Variants in SPATS1 observed in about 807,000 individuals in gnomAD.
The protein encoded by SPATS1 is spermatogenesis associated serine rich 1.
In SPATS1, 23 loss-of-function variants were observed where a neutral mutation model predicts 33.6. The ratio of observed to expected loss-of-function variants is 0.68; its 90% CI spans 0.49 to 0.97. The LOEUF (loss-of-function observed/expected upper bound fraction) is 0.97, where lower values mean the gene tolerates loss of function less well. Among genes scored for constraint, SPATS1 ranks in the 50% least tolerant of loss-of-function variants. The pLI, the probability that SPATS1 is intolerant of heterozygous loss-of-function variation, is 0.00. For synonymous variants in SPATS1, 131 were observed against 125.6 expected, an observed-to-expected ratio of 1.04 and a Z score of -0.29; for missense variants, 327 against 361.0, an observed-to-expected ratio of 0.91 and a Z score of 0.76.
intron 2 of SPATS1, among the ~76,000 whole-genome samples, chr6:44,351,122 CAAA>C (rs34139961): frequency 0.051 from 3,879 of 75,436 alleles, 73 homozygotes; most frequent in African/African-American, 0.14. Context: ...GACTCTGTGT[CAAA>C]AAAAAAAAAA....
chr6:44,371,370 T>C (rs1789604428), intron 7 of SPATS1, among the ~76,000 whole-genome samples: 1 of 151,686 alleles, frequency 6.6e-6, no homozygotes, highest in Non-Finnish European at 1.5e-5. Context: ...AAGACAATTG[T>C]GAGACTTGGA....
At chr6:44,347,849 G>C (rs1787992540) in intron 2 of SPATS1, among the ~76,000 whole-genome samples, 1 of 151,942 alleles carries the variant, frequency 6.6e-6, no homozygotes, top group South Asian at 2.1e-4. Flanking sequence ...GTACTGTCTT[G>C]ATTATTTGAA....
In SPATS1 at chr6:44,361,887, AC is replaced by A. The variant is rs1223139225; in HGVS notation, c.471del (p.Tyr158ThrfsTer45). ...FYPRFSSNIH[T>X]YHVGKQCFFN... ...CCCAAGGTTTAGCAGCAACATCCAC[AC>A]CTACCACGTCGGAAAGCAGTGCTTC... On this transcript the variant is annotated frameshift_variant, in exon 5 of 9. Transcript: ENST00000674044. LOFTEE classifies it high-confidence loss of function. 1 of 1,614,110 alleles carries A rather than the reference AC, an allele frequency of 6.2e-7. No homozygotes were observed. The highest frequency in any genetic ancestry group is 1.3e-5 in the African/African-American group (1 of 74,936).
intron 2 of SPATS1, among the ~76,000 whole-genome samples, chr6:44,344,225 G>A (rs1787734868): frequency 6.6e-6 from 1 of 152,180 alleles, no homozygotes; most frequent in Non-Finnish European, 1.5e-5. Context: ...TTTCGAGTTA[G>A]GGGTAGCAGA....
intron 2 of SPATS1, 62 bp downstream of exon 2, chr6:44,343,296 G>A: frequency 6.3e-7 from 1 of 1,593,266 alleles, no homozygotes; most frequent in South Asian, 1.1e-5. Flanking sequence ...ACTACACCCG[G>A]GGGCGGGGGC....
At chr6:44,346,989 G>A (rs1260624402) in intron 2 of SPATS1, among the ~76,000 whole-genome samples, 2 of 152,168 alleles carry the variant, frequency 1.3e-5, no homozygotes, top group African/African-American at 2.4e-5. Context: ...GTCCATCAAT[G>A]ATAGACTGGA....
chr6:44,342,924 C>T, intron 1 of SPATS1, 156 bp downstream of exon 1: 1 of 1,260,036 alleles, frequency 7.9e-7, no homozygotes, highest in Non-Finnish European at 1.1e-6. Flanking sequence ...CCAGGGCTTC[C>T]AAACCACGAA....
chr6:44,366,814 T>C (rs1212502971), intron 5 of SPATS1, among the ~76,000 whole-genome samples: 3 of 152,250 alleles, frequency 2.0e-5, no homozygotes, highest in Non-Finnish European at 4.4e-5. Context: ...TCTTGGGTGC[T>C]TGTTATATGC....
intron 2 of SPATS1, among the ~76,000 whole-genome samples, chr6:44,347,264 A>G (rs1318829079): frequency 6.6e-6 from 1 of 152,144 alleles, no homozygotes; most frequent in Admixed American, 6.5e-5. Context: ...TAGGAGAAAT[A>G]CCTAATGTAG....
At chr6:44,354,289 G>A (rs555532863) in intron 3 of SPATS1, among the ~76,000 whole-genome samples, 37 of 151,842 alleles carry the variant, frequency 2.4e-4, no homozygotes, top group Admixed American at 1.1e-3. Flanking sequence ...AGCCATGATC[G>A]AGCCGTTGCA....
intron 3 of SPATS1, among the ~76,000 whole-genome samples, chr6:44,353,667 T>G (rs1268658284): frequency 6.6e-6 from 1 of 152,214 alleles, no homozygotes; most frequent in African/African-American, 2.4e-5. Flanking sequence ...TGAAAATGCT[T>G]TTCTAATAAT....
chr6:44,347,010 G>A (rs1306543716), intron 2 of SPATS1, among the ~76,000 whole-genome samples: 3 of 152,314 alleles, frequency 2.0e-5, no homozygotes, highest in South Asian at 2.1e-4. Context: ...TAGAGAAAAC[G>A]TGGCACATAT....
At chr6:44,349,441 T>C (rs1324116786) in intron 2 of SPATS1, among the ~76,000 whole-genome samples, 1 of 152,140 alleles carries the variant, frequency 6.6e-6, no homozygotes, top group African/African-American at 2.4e-5. Context: ...GTGCATAAGA[T>C]TTAGGAATGC....
chr6:44,351,122 CAAAAAAAA>C (rs34139961), intron 2 of SPATS1, among the ~76,000 whole-genome samples: 1 of 75,516 alleles, frequency 1.3e-5, no homozygotes, highest in Non-Finnish European at 2.6e-5. Context: ...GACTCTGTGT[CAAAAAAAA>C]AAAAAAAAAA....
chr6:44,361,124 C>G (rs1309363945), intron 4 of SPATS1, among the ~76,000 whole-genome samples: 3 of 152,166 alleles, frequency 2.0e-5, no homozygotes, highest in Non-Finnish European at 4.4e-5. Context: ...GCAATGGGAT[C>G]AGAACCCACA....
Position 44,377,003 on chromosome 6 carries a change from G to T in SPATS1, c.875-32G>T, listed in dbSNP as rs779051973. 1.9e-6 allele frequency: 3 copies of T among 1,613,914 alleles called. No individual in the cohort carries two copies. In the South Asian group the frequency reaches 3.3e-5, roughly 18 times the overall value. ...GAGAATTGTTAGTTTTGTAATGGAA[G>T]AAAACCTGTAACTCCATGCCTCTAT... On this transcript the variant is annotated intron_variant, in intron 8 of 8. Coordinates refer to ENST00000674044, the MANE Select transcript of SPATS1 (RefSeq NM_001372081.1).
chr6:44,371,622 T>C (rs1294676320), intron 7 of SPATS1, among the ~76,000 whole-genome samples: 1 of 152,218 alleles, frequency 6.6e-6, no homozygotes, highest in Non-Finnish European at 1.5e-5. Flanking sequence ...TTTCCTTAAA[T>C]ACTTGGACAT....
intron 7 of SPATS1, among the ~76,000 whole-genome samples, chr6:44,373,704 C>T (rs1341043800): frequency 1.3e-5 from 2 of 152,182 alleles, no homozygotes; most frequent in Admixed American, 6.5e-5. Context: ...CAAGTCTTCT[C>T]TAGTTAGTGA....
chr6:44,377,136 G>A lies in SPATS1; in HGVS notation c.*73G>A. The A allele has an allele frequency of 1.3e-6, 2 of 1,568,780 alleles. No homozygotes were observed. Among genetic ancestry groups the A allele is most frequent in the Non-Finnish European group, 1.8e-6 (2 of 1,138,754 alleles). The stretch of plus-strand genomic sequence containing the variant: ...TTTTCCAGTTGATGTTTTTTGTCAT[G>A]TGACTGTTCTAAATCCAGTGTTTGA... On this transcript the variant is annotated 3_prime_UTR_variant, in exon 9 of 9. Coordinates refer to ENST00000674044, the MANE Select transcript of SPATS1 (RefSeq NM_001372081.1).
Sources: gnomAD v4.1 joint callset for allele counts (sites outside exome capture counted in the v4.1 genomes callset) on GRCh38, gnomAD v4.1.1 for gene constraint, MANE v1.5 for transcripts, NCBI Gene and HGNC (gene_info 2026-07-23, HGNC 2026-07-21) for gene names.